CD226: variants seen among roughly 807,000 people sequenced by gnomAD.
The protein encoded by CD226 is CD226 molecule, also known as CD226 antigen.
Under a neutral mutation model 34.9 loss-of-function variants are expected in CD226, and 24 were observed. The observed-to-expected ratio is 0.69, with a 90% CI of 0.50 to 0.97. The LOEUF is 0.97. Among genes scored for constraint, CD226 ranks in the 50% least tolerant of loss-of-function variants. The pLI is 0.00. For missense variants in CD226, 397 were observed against 412.7 expected (o/e 0.96, Z 0.33); for synonymous variants, 148 against 147.4 (o/e 1.00, Z -0.03).
chr18:69,933,429 C>T (rs60072184), intron 2 of CD226, among the ~76,000 whole-genome samples: 2,378 of 152,226 alleles, frequency 0.016, 37 homozygotes, highest in African/African-American at 0.035. Context: ...CCTGCCAGCC[C>T]TTGTCTCCAT....
chr18:69,867,580 T>G (rs954634919), intron 4 of CD226, among the ~76,000 whole-genome samples, 169 bp from the exon 5 acceptor site: 1 of 152,210 alleles, frequency 6.6e-6, no homozygotes, highest in African/African-American at 2.4e-5. Context: ...TTTTTTTCAT[T>G]TTCCCTGTCT....
intron 2 of CD226, among the ~76,000 whole-genome samples, chr18:69,939,780 A>C (rs2055700275): frequency 6.6e-6 from 1 of 152,188 alleles, no homozygotes; most frequent in African/African-American, 2.4e-5. Flanking sequence ...TGCCTCCATA[A>C]TGTAGGTGAG....
chr18:69,934,101 C>T (rs1383209858), intron 2 of CD226, among the ~76,000 whole-genome samples: 1 of 152,178 alleles, frequency 6.6e-6, no homozygotes, highest in Non-Finnish European at 1.5e-5. Flanking sequence ...AATACAACAA[C>T]TGAATTCTTT....
intron 2 of CD226, chr18:69,896,330 C>T (rs986990915): frequency 5.5e-5 from 10 of 181,968 alleles, no homozygotes; most frequent in South Asian, 1.8e-4. Context: ...TATAGGCGCC[C>T]GCCACCGCGC....
chr18:69,952,138 C>T (rs180777531), upstream of CD226, among the ~76,000 whole-genome samples: 329 of 152,118 alleles, frequency 2.2e-3, 1 homozygote, highest in Non-Finnish European at 4.0e-3. Context: ...ATAGATAGAC[C>T]GGGAAGCCAT....
intron 3 of CD226, among the ~76,000 whole-genome samples, chr18:69,874,149 G>A (rs1240516006): frequency 1.3e-5 from 2 of 152,142 alleles, no homozygotes; most frequent in South Asian, 2.1e-4. Flanking sequence ...TACTGTGGAT[G>A]TGTCTCTTCA....
At chr18:69,866,748 G>A (rs933595610) in intron 5 of CD226, among the ~76,000 whole-genome samples, 4 of 152,040 alleles carry the variant, frequency 2.6e-5, no homozygotes, top group African/African-American at 9.7e-5. Context: ...CTTGTAATTA[G>A]CTAAGCTCAA....
intron 2 of CD226, among the ~76,000 whole-genome samples, chr18:69,926,638 T>C (rs138448196): frequency 2.7e-3 from 418 of 152,336 alleles, no homozygotes; most frequent in African/African-American, 9.6e-3. Context: ...ACAAGATATC[T>C]AATTCTTCAG....
rs2055808001 is a variant in CD226, at chr18:69,947,436, A to AC, written c.-31_-30insG. The stretch of plus-strand genomic sequence containing the variant: ...GGAAACTGTTTGAAAGGCTGGTTCT[A>AC]TTAAAAAAAAAAATTGCTTTTTATA... On this transcript the variant is annotated 5_prime_UTR_variant, in exon 1 of 6. Transcript: ENST00000582621. 3 of 1,420,434 alleles carry AC rather than the reference A, an allele frequency of 2.1e-6. No individual in the cohort carries two copies. Among genetic ancestry groups the AC allele is most frequent in the African/African-American group, 2.9e-5 (2 of 68,230 alleles). 88.0% of individuals were successfully genotyped at this position (1,420,434 alleles called of 1,614,324 possible).
chr18:69,906,777 A>G (rs769199561), intron 2 of CD226, among the ~76,000 whole-genome samples: 3 of 152,336 alleles, frequency 2.0e-5, no homozygotes, highest in African/African-American at 4.8e-5. Context: ...TCGCTAAGCA[A>G]TAAGTTCCAA....
At chr18:69,878,752 G>T (rs1240088384) in intron 3 of CD226, among the ~76,000 whole-genome samples, 1 of 152,254 alleles carries the variant, frequency 6.6e-6, no homozygotes, top group East Asian at 1.9e-4. Flanking sequence ...CGCCATCATG[G>T]TGTGTGTGGT....
intron 3 of CD226, among the ~76,000 whole-genome samples, chr18:69,884,497 A>G (rs1340564923): frequency 6.6e-6 from 1 of 152,236 alleles, no homozygotes; most frequent in Non-Finnish European, 1.5e-5. Context: ...AAAGACATGC[A>G]CATCTTTTTA....
chr18:69,864,564 T>C (rs1983020401), intron 5 of CD226, 125 bp from the exon 6 acceptor site: 2 of 865,842 alleles, frequency 2.3e-6, no homozygotes, highest in South Asian at 1.7e-5. Context: ...ATAATTAATT[T>C]GATAAAACAT....
chr18:69,868,681 T>C lies in CD226; in HGVS notation c.831-1270A>G, dbSNP rs542735033. 3.9e-5 allele frequency among the ~76,000 whole-genome samples: 6 copies of C among 152,344 alleles called. No homozygotes were observed. In the South Asian group the frequency reaches 1.0e-3, roughly 26 times the overall value. On this transcript the variant is annotated intron_variant, in intron 4 of 5. Coordinates refer to ENST00000582621, the MANE Select transcript of CD226 (RefSeq NM_001303618.2). ...TCATTTTAAAGATAAGGAAAAGATC[T>C]ATGATCTTTGACCTTTTATTAAATT... is the stretch of plus-strand genomic sequence containing the variant.
intron 2 of CD226, among the ~76,000 whole-genome samples, chr18:69,935,988 C>T (rs1038931001): frequency 2.0e-5 from 3 of 152,120 alleles, no homozygotes; most frequent in African/African-American, 7.2e-5. Context: ...TAAAAGTTTC[C>T]TCTGGATTTT....
chr18:69,952,328 A>G (rs184935939), upstream of CD226, among the ~76,000 whole-genome samples: 25 of 152,362 alleles, frequency 1.6e-4, no homozygotes, highest in African/African-American at 5.8e-4. Context: ...TGTACAACAT[A>G]TATTATTCAG....
At chr18:69,948,777 G>C (rs2055821703), upstream of CD226, among the ~76,000 whole-genome samples, 1 of 152,144 alleles carries the variant, frequency 6.6e-6, no homozygotes, top group Non-Finnish European at 1.5e-5. Flanking sequence ...CCTCCAAATT[G>C]TACTGAGTTA....
chr18:69,945,489 GTTCT>G (rs2055778040), intron 2 of CD226, among the ~76,000 whole-genome samples: 1 of 152,162 alleles, frequency 6.6e-6, no homozygotes, highest in Admixed American at 6.5e-5. Context: ...GGATCATTGG[GTTCT>G]TTCTGACACC....
intron 2 of CD226, among the ~76,000 whole-genome samples, chr18:69,943,165 T>A (rs895004660): frequency 7.2e-5 from 11 of 152,220 alleles, no homozygotes; most frequent in Admixed American, 2.0e-4. Flanking sequence ...AAGGATTAAA[T>A]GAAATGACAC....
Sources: allele counts gnomAD v4.1 joint callset (sites outside exome capture counted in the v4.1 genomes callset), GRCh38; gene constraint gnomAD v4.1.1; transcripts MANE v1.5; gene names NCBI Gene and HGNC (gene_info 2026-07-23, HGNC 2026-07-21).